CELF4: variants seen among roughly 807,000 people sequenced by gnomAD.
The protein encoded by CELF4 is CUGBP Elav-like family member 4.
In CELF4, 18 loss-of-function variants were observed where a neutral mutation model predicts 59.9. The observed-to-expected ratio is 0.30, with a 90% CI of 0.21 to 0.45. The LOEUF is 0.45. CELF4 is among the 20% of genes least tolerant of loss of function. CELF4 has a pLI of 1.00. For missense variants in CELF4, 456 were observed against 689.0 expected (o/e 0.66, Z 3.79); for synonymous variants, 261 against 267.1 (o/e 0.98, Z 0.22).
chr18:37,559,754 C>T (rs2099985980), intron 1 of CELF4, among the ~76,000 whole-genome samples: 1 of 152,108 alleles, frequency 6.6e-6, no homozygotes, highest in Admixed American at 6.5e-5. Context: ...CTCAGAAGCC[C>T]CTCTTCCCTC....
At chr18:37,280,081 G>A (rs572837946) in intron 3 of CELF4, among the ~76,000 whole-genome samples, 2 of 152,352 alleles carry the variant, frequency 1.3e-5, no homozygotes, top group South Asian at 4.1e-4. Context: ...TGGACCCAGA[G>A]AGGGCATCTT....
intron 1 of CELF4, among the ~76,000 whole-genome samples, chr18:37,554,532 C>T (rs1401625754): frequency 3.3e-5 from 5 of 152,166 alleles, no homozygotes; most frequent in Admixed American, 6.5e-5. Flanking sequence ...AGGCATCACC[C>T]GCCCCTCATC....
chr18:37,559,516 CT>C (rs889047984), intron 1 of CELF4, among the ~76,000 whole-genome samples: 31 of 150,292 alleles, frequency 2.1e-4, no homozygotes, highest in African/African-American at 4.1e-4. Flanking sequence ...ACAACTTTCA[CT>C]TTTTTTTTTC....
At chr18:37,408,442 A>G (rs1161210264) in intron 2 of CELF4, among the ~76,000 whole-genome samples, 1 of 143,916 alleles carries the variant, frequency 6.9e-6, no homozygotes, top group Non-Finnish European at 1.5e-5. Flanking sequence ...GACTACACAC[A>G]TGGAAAAATC....
intron 2 of CELF4, among the ~76,000 whole-genome samples, chr18:37,392,362 G>A (rs149286317): frequency 2.0e-4 from 31 of 152,326 alleles, no homozygotes; most frequent in African/African-American, 5.8e-4. Flanking sequence ...GGCAACCCCC[G>A]AAAGCACTGT....
At chr18:37,342,739 A>G (rs2098101876) in intron 2 of CELF4, among the ~76,000 whole-genome samples, 1 of 152,228 alleles carries the variant, frequency 6.6e-6, no homozygotes, top group South Asian at 2.1e-4. Flanking sequence ...TGGGGGAAAT[A>G]ATAATCCATA....
At chr18:37,339,702 C>T (rs1412180958) in intron 2 of CELF4, among the ~76,000 whole-genome samples, 5 of 149,752 alleles carry the variant, frequency 3.3e-5, no homozygotes, top group South Asian at 2.1e-4. Flanking sequence ...TGCAGTGAGC[C>T]GAGATCGCAC....
intron 2 of CELF4, among the ~76,000 whole-genome samples, chr18:37,355,439 G>A (rs1338642216): frequency 6.6e-6 from 1 of 152,170 alleles, no homozygotes; most frequent in South Asian, 2.1e-4. Flanking sequence ...TTGGGAGGCT[G>A]AGGCAGGTGG....
intron 1 of CELF4, among the ~76,000 whole-genome samples, chr18:37,496,773 G>C (rs1311686923): frequency 6.6e-6 from 1 of 152,168 alleles, no homozygotes; most frequent in African/African-American, 2.4e-5. Context: ...TTCTGGCCGG[G>C]CTTTGGGCTG....
chr18:37,249,010 G>A (rs1457723936), intron 12 of CELF4, among the ~76,000 whole-genome samples: 1 of 152,072 alleles, frequency 6.6e-6, no homozygotes, highest in Non-Finnish European at 1.5e-5. Flanking sequence ...TGTGGATGAG[G>A]GGCAAAGAAG....
chr18:37,344,998 G>T (rs2098199256), intron 2 of CELF4, among the ~76,000 whole-genome samples: 1 of 152,216 alleles, frequency 6.6e-6, no homozygotes, highest in African/African-American at 2.4e-5. Flanking sequence ...CTTCCTGTTT[G>T]TCCAGAGATG....
At chr18:37,563,608 G>A (rs936212472) in intron 1 of CELF4, among the ~76,000 whole-genome samples, 4 of 151,870 alleles carry the variant, frequency 2.6e-5, no homozygotes, top group South Asian at 4.2e-4. Flanking sequence ...TTTTTTCTTC[G>A]AATATTATTT....
chr18:37,331,412 T>C (rs1023476215), intron 2 of CELF4, among the ~76,000 whole-genome samples: 3 of 152,124 alleles, frequency 2.0e-5, no homozygotes, highest in African/African-American at 7.2e-5. Flanking sequence ...ACTCACTTTC[T>C]GTCAAAAGTA....
chr18:37,466,684 C>A (rs755052498), intron 2 of CELF4, among the ~76,000 whole-genome samples: 7 of 152,138 alleles, frequency 4.6e-5, no homozygotes, highest in African/African-American at 7.2e-5. Flanking sequence ...GGACCCAGTC[C>A]CTGCCCTCAA....
intron 2 of CELF4, among the ~76,000 whole-genome samples, chr18:37,465,823 C>T (rs2099806839): frequency 6.6e-6 from 1 of 152,114 alleles, no homozygotes; most frequent in South Asian, 2.1e-4. Flanking sequence ...CCTTCAAGGA[C>T]AAGCAAGAAT....
At position 37,411,360 on chromosome 18, in the gene CELF4, A is replaced by T. The variant is rs528966289; in HGVS notation, c.369+74165T>A. ...CAATGTGTGGGAGACGTGTGTGTTT[A>T]TGTGGGCATGTGGCTGCATTGTTGA... On this transcript the variant is annotated intron_variant, in intron 2 of 12. Transcript: ENST00000420428. Among the ~76,000 whole-genome samples the T allele has an allele frequency of 2.0e-5, 3 of 152,292 alleles. No individual in the cohort carries two copies. The South Asian group carries it at 6.2e-4, about 32-fold the overall frequency.
At chr18:37,347,263 G>T (rs2098293256) in intron 2 of CELF4, among the ~76,000 whole-genome samples, 1 of 152,098 alleles carries the variant, frequency 6.6e-6, no homozygotes, top group Admixed American at 6.5e-5. Context: ...AGGTCTCCCT[G>T]CCACCCCCCA....
chr18:37,272,264 T>C (rs546985796), intron 7 of CELF4, among the ~76,000 whole-genome samples: 29 of 152,236 alleles, frequency 1.9e-4, no homozygotes, highest in Non-Finnish European at 3.4e-4. Context: ...GGCTGTCCTG[T>C]GCACTGTAGG....
chr18:37,285,158 A>T (rs1569526901), intron 3 of CELF4, among the ~76,000 whole-genome samples: 1 of 152,096 alleles, frequency 6.6e-6, no homozygotes, highest in Non-Finnish European at 1.5e-5. Context: ...TGGGATTCCC[A>T]TTGCCTGGGG....
Sources: gnomAD v4.1 joint callset for allele counts (sites outside exome capture counted in the v4.1 genomes callset) on GRCh38, gnomAD v4.1.1 for gene constraint, MANE v1.5 for transcripts, NCBI Gene and HGNC (gene_info 2026-07-23, HGNC 2026-07-21) for gene names.